Variants in SEC22A observed in about 807,000 individuals in gnomAD.
The protein encoded by SEC22A is vesicle-trafficking protein SEC22a.
SEC22A carries 22 observed loss-of-function variants against 35.3 expected under a neutral mutation model. The ratio of observed to expected loss-of-function variants is 0.62; its 90% CI spans 0.45 to 0.89. SEC22A has a LOEUF of 0.89. Ranked by LOEUF, SEC22A falls within the 40% of genes least tolerant of loss-of-function variation. The pLI, the probability that SEC22A is intolerant of heterozygous loss-of-function variation, is 0.00. For synonymous variants in SEC22A, 119 were observed against 129.5 expected (o/e 0.92, Z 0.55); for missense variants, 354 against 362.5 (o/e 0.98, Z 0.19).
intron 2 of SEC22A, among the ~76,000 whole-genome samples, chr3:123,221,385 C>T (rs150229182): frequency 9.0e-5 from 13 of 144,988 alleles, no homozygotes; most frequent in Admixed American, 2.1e-4. Context: ...ACAGGAGAAT[C>T]GCTTGAACCC....
At chr3:123,249,254 C>A (rs1322347371) in intron 5 of SEC22A, among the ~76,000 whole-genome samples, 1 of 152,076 alleles carries the variant, frequency 6.6e-6, no homozygotes, top group Non-Finnish European at 1.5e-5. Context: ...GCTCTGTGAA[C>A]CCCATCTTTT....
chr3:123,270,581 C>A (rs1270541252), intron 6 of SEC22A, among the ~76,000 whole-genome samples: 1 of 152,196 alleles, frequency 6.6e-6, no homozygotes, highest in Non-Finnish European at 1.5e-5. Context: ...AGGCACTGTT[C>A]TGGGCACTGG....
At chr3:123,223,361 G>A (rs1421896216) in intron 2 of SEC22A, among the ~76,000 whole-genome samples, 198 bp from the exon 3 acceptor site, 1 of 152,020 alleles carries the variant, frequency 6.6e-6, no homozygotes, top group Non-Finnish European at 1.5e-5. Context: ...TCTATTTTTT[G>A]TCTTCTGTTT....
intron 5 of SEC22A, among the ~76,000 whole-genome samples, chr3:123,248,799 C>T (rs775469246): frequency 1.1e-4 from 16 of 152,238 alleles, no homozygotes; most frequent in Non-Finnish European, 1.5e-4. Context: ...TGTACTCTCA[C>T]GATTCTCAAT....
rs1938234893 is a variant in SEC22A at position 123,273,946 on chromosome 3, T to C, written c.*2224T>C. On this transcript the variant is annotated 3_prime_UTR_variant, in exon 7 of 7. Transcript: ENST00000492595. ...TGGTTCAGGAGCTACCTCCTTGTCA[T>C]TGAATTGACGAGTTACAATGTTTGG... 1 of 152,232 alleles carries C rather than the reference T, an allele frequency of 6.6e-6. No homozygotes were observed. Among genetic ancestry groups the C allele is most frequent in the Non-Finnish European group, 1.5e-5 (1 of 68,038 alleles). The allele number at this position is 152,232 out of a possible 1,614,324, so 9.4% of individuals were successfully genotyped here. A position where few individuals can be genotyped will look rare whatever the true frequency, so the allele number is the denominator to read the frequency against.
At chr3:123,264,822 T>C (rs185923642) in intron 6 of SEC22A, among the ~76,000 whole-genome samples, 1 of 152,066 alleles carries the variant, frequency 6.6e-6, no homozygotes, top group Admixed American at 6.5e-5. Flanking sequence ...GTTTTTGTAT[T>C]TTTTTGTAGA....
At chr3:123,205,942 A>G (rs759627967) in intron 1 of SEC22A, among the ~76,000 whole-genome samples, 3 of 152,200 alleles carry the variant, frequency 2.0e-5, no homozygotes, top group Non-Finnish European at 4.4e-5. Context: ...TATTCTTTTT[A>G]CAGTATGTGT....
At chr3:123,225,370 T>G in intron 4 of SEC22A, 73 bp downstream of exon 4, 4 of 892,370 alleles carry the variant, frequency 4.5e-6, no homozygotes, top group Middle Eastern at 4.8e-4. Context: ...TGAAAATGAA[T>G]TACTTTATTC....
chr3:123,224,499 A>G lies in SEC22A; in HGVS notation c.347-604A>G, dbSNP rs554026966. Among the ~76,000 whole-genome samples the G allele has an allele frequency of 2.2e-4, 33 of 152,324 alleles. No individual in the cohort carries two copies. The South Asian group carries it at 5.0e-3, about 23-fold the overall frequency. ...TTCATGAGATAGGAATCTCTATAAA[A>G]ATCAAGACTTTGGGCCAGGTGTGGT... On this transcript the variant is annotated intron_variant, in intron 3 of 6. Coordinates refer to ENST00000492595, the MANE Select transcript of SEC22A (RefSeq NM_012430.5).
chr3:123,228,130 C>T lies in SEC22A; in HGVS notation c.541+2833C>T, dbSNP rs866522878. Reference sequence around the variant, plus strand: ...GGTAACAAATTTCATTAAAATAATCCAGTCAGTTAGTAAACAAGCAGATAA... The same window carrying T: ...GGTAACAAATTTCATTAAAATAATCTAGTCAGTTAGTAAACAAGCAGATAA... On this transcript the variant is annotated intron_variant, in intron 4 of 6. Transcript: ENST00000492595. Among the ~76,000 whole-genome samples the T allele has an allele frequency of 1.4e-4, 22 of 151,790 alleles. 1 individual carries two copies. Among genetic ancestry groups the T allele is most frequent in the Middle Eastern group, 6.3e-3 (2 of 316 alleles).
chr3:123,214,248 T>G (rs77315752), intron 2 of SEC22A, among the ~76,000 whole-genome samples: 3,241 of 152,268 alleles, frequency 0.021, 111 homozygotes, highest in African/African-American at 0.074. Context: ...GAAAATTCCT[T>G]TAGTTTTCTT....
chr3:123,220,789 A>G (rs1057366696), intron 2 of SEC22A, among the ~76,000 whole-genome samples: 2 of 150,570 alleles, frequency 1.3e-5, no homozygotes, highest in Admixed American at 6.6e-5. Context: ...CCACTAGTAT[A>G]TCCCATACCA....
intron 2 of SEC22A, among the ~76,000 whole-genome samples, chr3:123,217,493 G>A (rs1244195842): frequency 2.6e-5 from 4 of 151,862 alleles, no homozygotes; most frequent in South Asian, 4.2e-4. Context: ...GATTACAGGC[G>A]TGAGCCACCG....
chr3:123,203,902 T>C (rs1936801813), intron 1 of SEC22A, among the ~76,000 whole-genome samples: 1 of 152,170 alleles, frequency 6.6e-6, no homozygotes, highest in African/African-American at 2.4e-5. Flanking sequence ...GTAAAATCTG[T>C]TGTGAAGCCT....
intron 6 of SEC22A, among the ~76,000 whole-genome samples, chr3:123,263,509 G>A (rs1342023429): frequency 4.6e-5 from 7 of 152,146 alleles, no homozygotes. Context: ...AATCTTTTGT[G>A]ATAGGCATTT....
intron 5 of SEC22A, among the ~76,000 whole-genome samples, chr3:123,256,663 G>C (rs1937738134): frequency 6.6e-6 from 1 of 151,516 alleles, no homozygotes; most frequent in African/African-American, 2.4e-5. Flanking sequence ...TGTGCCATCA[G>C]TTATCACTTT....
intron 1 of SEC22A, among the ~76,000 whole-genome samples, chr3:123,206,904 A>G (rs1260160723): frequency 1.3e-5 from 2 of 152,202 alleles, no homozygotes; most frequent in African/African-American, 4.8e-5. Flanking sequence ...CCTGGCCAAC[A>G]TGGCGAAACC....
At position 123,271,679 on chromosome 3, in the gene SEC22A, G is replaced by C; in HGVS notation, c.881G>C (p.Trp294Ser). 1 of 1,614,142 alleles carries C rather than the reference G, an allele frequency of 6.2e-7. No individual in the cohort carries two copies. Among genetic ancestry groups the C allele is most frequent in the Non-Finnish European group, 8.5e-7 (1 of 1,180,016 alleles). Residue 294 changes from tryptophan (W) to serine (S), a missense_variant, in exon 7 of 7, where the codon TGG becomes TCG. By Grantham distance (177) the Trp-to-Ser change is radical. Transcript: ENST00000492595. Reference sequence around the variant, plus strand: ...GGAGCATTTGTTACACTACAGATCTGGCTAAGGCAAGCCCAGGGCAAGGCT... The same window carrying C: ...GGAGCATTTGTTACACTACAGATCTCGCTAAGGCAAGCCCAGGGCAAGGCT... ...TVGAFVTLQI[W>S]LRQAQGKAPD... is the part of the protein sequence containing the mutation.
intron 1 of SEC22A, among the ~76,000 whole-genome samples, chr3:123,205,485 TG>T (rs769236226): frequency 2.0e-5 from 3 of 152,072 alleles, no homozygotes; most frequent in Admixed American, 6.6e-5. Flanking sequence ...GGTCAGAATT[TG>T]AGACCAGCCT....
Sources: gnomAD v4.1 joint callset for allele counts (sites outside exome capture counted in the v4.1 genomes callset) on GRCh38, gnomAD v4.1.1 for gene constraint, MANE v1.5 for transcripts, NCBI Gene and HGNC (gene_info 2026-07-23, HGNC 2026-07-21) for gene names.